The following NOL4 variants were observed in gnomAD, a reference collection of about 807,000 sequenced individuals.
NOL4 encodes cancer/testis antigen 125.
A neutral mutation model predicts 75.9 loss-of-function variants in NOL4; 17 were observed. That is an observed-to-expected ratio of 0.22 (90% CI 0.15 to 0.34). The LOEUF (loss-of-function observed/expected upper bound fraction) is 0.34, where lower values mean the gene tolerates loss of function less well. Ranked by LOEUF, NOL4 falls within the 10% of genes least tolerant of loss-of-function variation. NOL4 has a pLI of 1.00. For missense variants in NOL4, 614 were observed against 793.5 expected, an observed-to-expected ratio of 0.77 and a Z score of 2.72; for synonymous variants, 292 against 289.9, an observed-to-expected ratio of 1.01 and a Z score of -0.07.
At chr18:34,056,869 G>A (rs977103956) in intron 5 of NOL4, among the ~76,000 whole-genome samples, 7 of 152,044 alleles carry the variant, frequency 4.6e-5, no homozygotes, top group Middle Eastern at 3.2e-3. Flanking sequence ...TTAGGGCCTC[G>A]GGCCTCTTGG....
At chr18:34,218,529 C>T (rs1263275141) in intron 1 of NOL4, among the ~76,000 whole-genome samples, 1 of 152,148 alleles carries the variant, frequency 6.6e-6, no homozygotes, top group East Asian at 1.9e-4. Context: ...ACTACTGGTC[C>T]CCACTGTTCC....
At chr18:33,966,858 T>C (rs1185478545) in intron 6 of NOL4, among the ~76,000 whole-genome samples, 1 of 152,152 alleles carries the variant, frequency 6.6e-6, no homozygotes, top group Non-Finnish European at 1.5e-5. Context: ...AAATATCCCA[T>C]GCTCATGGAT....
At chr18:33,959,248 G>A (rs1238622557) in intron 6 of NOL4, among the ~76,000 whole-genome samples, 1 of 152,108 alleles carries the variant, frequency 6.6e-6, no homozygotes, top group Non-Finnish European at 1.5e-5. Context: ...GATAGCCTTC[G>A]TAGAGCCTCC....
At chr18:34,024,572 C>T (rs1444175943) in intron 5 of NOL4, among the ~76,000 whole-genome samples, 1 of 151,776 alleles carries the variant, frequency 6.6e-6, no homozygotes, top group Non-Finnish European at 1.5e-5. Context: ...AAACAAACAA[C>T]AACAACAACA....
At chr18:33,925,662 A>T (rs761874560) in intron 9 of NOL4, among the ~76,000 whole-genome samples, 1 of 152,224 alleles carries the variant, frequency 6.6e-6, no homozygotes, top group East Asian at 1.9e-4. Flanking sequence ...TTTATGAAGC[A>T]TTCTGATTTT....
At chr18:34,019,725 T>C in intron 5 of NOL4, 124 bp from the exon 6 acceptor site, 1 of 807,106 alleles carries the variant, frequency 1.2e-6, no homozygotes, top group South Asian at 1.9e-5. Context: ...TAATTCATCC[T>C]CAGCAATAAG....
rs763178695 is a variant in NOL4, at chr18:34,043,406, C to T, written c.773-23805G>A. Among the ~76,000 whole-genome samples, 8 of 151,980 alleles carry T rather than the reference C, an allele frequency of 5.3e-5. 1 individual carries two copies. The East Asian group carries it at 5.8e-4, about 11-fold the overall frequency. On this transcript the variant is annotated intron_variant, in intron 5 of 10. Transcript: ENST00000261592. ...GTAGGATGAATTTTTGTGAGATAAC[C>T]GACTATGACCAATAATCTGCTTATT...
At chr18:33,931,822 T>C (rs1210750233) in intron 9 of NOL4, among the ~76,000 whole-genome samples, 1 of 152,094 alleles carries the variant, frequency 6.6e-6, no homozygotes, top group East Asian at 1.9e-4. Context: ...GCCTAAAACA[T>C]AATCTTAGTT....
intron 2 of NOL4, among the ~76,000 whole-genome samples, chr18:34,108,720 TAAAC>T (rs2079438088): frequency 6.6e-6 from 1 of 152,166 alleles, no homozygotes. Context: ...AACTGAGGGA[TAAAC>T]AAACAGCAAC....
chr18:33,992,987 G>A (rs1241863357), intron 6 of NOL4, among the ~76,000 whole-genome samples: 2 of 151,992 alleles, frequency 1.3e-5, no homozygotes, highest in Non-Finnish European at 1.5e-5. Flanking sequence ...CTAAATAGAG[G>A]TTTTAGTGGA....
intron 6 of NOL4, among the ~76,000 whole-genome samples, chr18:33,997,303 A>AT (rs1482878873): frequency 6.6e-6 from 1 of 151,886 alleles, no homozygotes; most frequent in Admixed American, 6.6e-5. Context: ...TCAACAGCCA[A>AT]TTATCCCAGC....
At chr18:34,204,914 G>A (rs1369819516) in intron 1 of NOL4, among the ~76,000 whole-genome samples, 1 of 152,102 alleles carries the variant, frequency 6.6e-6, no homozygotes, top group Non-Finnish European at 1.5e-5. Flanking sequence ...ATAACCATGT[G>A]AAGTAGATAT....
intron 1 of NOL4, among the ~76,000 whole-genome samples, chr18:34,201,398 G>A (rs1246683917): frequency 2.0e-5 from 3 of 151,724 alleles, no homozygotes; most frequent in Non-Finnish European, 2.9e-5. Context: ...ATAAAACTAA[G>A]GCAGTTGCAT....
At chr18:34,211,241 A>G (rs907192831) in intron 1 of NOL4, among the ~76,000 whole-genome samples, 3 of 152,210 alleles carry the variant, frequency 2.0e-5, no homozygotes, top group African/African-American at 7.2e-5. Context: ...AATTAGTAAG[A>G]ACAAACAAAT....
intron 6 of NOL4, among the ~76,000 whole-genome samples, chr18:34,017,541 A>T (rs62097844): frequency 0.014 from 2,129 of 152,264 alleles, 23 homozygotes; most frequent in Non-Finnish European, 0.021. Context: ...CCTGCCGTTT[A>T]TATCTCTAGA....
intron 9 of NOL4, 24 bp from the exon 10 acceptor site, chr18:33,883,448 T>G (rs767590751): frequency 1.6e-5 from 25 of 1,579,928 alleles, no homozygotes; most frequent in Non-Finnish European, 2.1e-5. Context: ...CAGCATTCCA[T>G]TATTTATCAC....
At chr18:34,157,304 T>C (rs2030593363) in intron 1 of NOL4, 1 of 152,186 alleles carries the variant, frequency 6.6e-6, no homozygotes, top group Admixed American at 6.6e-5. Context: ...AAAATTTCAT[T>C]AGATAAATAT....
chr18:33,914,317 G>A lies in NOL4; in HGVS notation c.1542+28748C>T, dbSNP rs984332324. Reference sequence around the variant, plus strand: ...ACCCTGAGACAGGATCATAGCCACTGTGTCAAAACACTACAAGGAAGTCTG... The same window carrying A: ...ACCCTGAGACAGGATCATAGCCACTATGTCAAAACACTACAAGGAAGTCTG... On this transcript the variant is annotated intron_variant, in intron 9 of 10. Transcript: ENST00000261592. Among the ~76,000 whole-genome samples the A allele has an allele frequency of 7.9e-5, 12 of 152,206 alleles. No homozygotes were observed. In the South Asian group the frequency reaches 2.5e-3, roughly 31 times the overall value.
intron 6 of NOL4, among the ~76,000 whole-genome samples, chr18:33,961,493 T>G (rs567398303): frequency 6.6e-6 from 1 of 152,128 alleles, no homozygotes; most frequent in Admixed American, 6.6e-5. Flanking sequence ...ACTCCACCAC[T>G]GGCTTTCCTG....
Sources: allele counts gnomAD v4.1 joint callset (sites outside exome capture counted in the v4.1 genomes callset), GRCh38; gene constraint gnomAD v4.1.1; transcripts MANE v1.5; gene names NCBI Gene and HGNC (gene_info 2026-07-23, HGNC 2026-07-21).